The following SV2C variants were observed in gnomAD, a reference collection of about 807,000 sequenced individuals.
SV2C encodes solute carrier family 22 member B3.
SV2C carries 49 observed loss-of-function variants against 79.7 expected under a neutral mutation model. That is an observed-to-expected ratio of 0.61 (90% CI 0.49 to 0.78). The LOEUF is 0.78. Among genes scored for constraint, SV2C ranks in the 30% least tolerant of loss-of-function variants. The pLI, the probability that SV2C is intolerant of heterozygous loss-of-function variation, is 0.00. For synonymous variants in SV2C, 334 were observed against 333.2 expected, an observed-to-expected ratio of 1.00 and a Z score of -0.03; for missense variants, 833 against 912.9, an observed-to-expected ratio of 0.91 and a Z score of 1.13.
intron 4 of SV2C, among the ~76,000 whole-genome samples, chr5:76,236,239 T>C (rs986388243): frequency 1.3e-5 from 2 of 152,104 alleles, no homozygotes; most frequent in Admixed American, 6.5e-5. Flanking sequence ...ATAGTCAATA[T>C]TGAAAATCAA....
rs139376694 is a variant in SV2C at position 76,230,975 on chromosome 5, T to A, written c.913+21088T>A. ...ATGTTTATTTAATTCTAACATAACA[T>A]CCTGAGTTCCTGTGTAAGTAATTTG... is the stretch of plus-strand genomic sequence containing the variant. On this transcript the variant is annotated intron_variant, in intron 4 of 12. Coordinates refer to ENST00000502798, the MANE Select transcript of SV2C (RefSeq NM_014979.4). 2.6e-4 allele frequency among the ~76,000 whole-genome samples: 39 copies of A among 152,300 alleles called. No homozygotes were observed. The East Asian group carries it at 6.9e-3, about 27-fold the overall frequency.
chr5:76,341,316 T>C (rs903803504), intron 12 of SV2C, among the ~76,000 whole-genome samples: 2 of 152,124 alleles, frequency 1.3e-5, no homozygotes, highest in East Asian at 1.9e-4. Flanking sequence ...GGCAGGTGGA[T>C]TGCTTGAGCC....
At chr5:76,037,207 G>A in the SV2C span, among the ~76,000 whole-genome samples, 6 of 152,216 alleles carry the variant, frequency 3.9e-5, no homozygotes, top group East Asian at 1.9e-4. Flanking sequence ...CCCATAGCTC[G>A]GAGTAATTTG....
At chr5:75,946,288 A>G in the SV2C span, among the ~76,000 whole-genome samples, 1 of 152,124 alleles carries the variant, frequency 6.6e-6, no homozygotes, top group Non-Finnish European at 1.5e-5. Flanking sequence ...TTGCATATGA[A>G]TATCCAAATG....
At chr5:75,909,300 T>C in the SV2C span, among the ~76,000 whole-genome samples, 6 of 152,264 alleles carry the variant, frequency 3.9e-5, no homozygotes, top group Non-Finnish European at 8.8e-5. Context: ...TTGTTCTTAT[T>C]TGGAGACAGT....
At chr5:76,266,911 TA>T (rs1204361835) in intron 4 of SV2C, among the ~76,000 whole-genome samples, 2 of 152,216 alleles carry the variant, frequency 1.3e-5, no homozygotes, top group African/African-American at 4.8e-5. Context: ...GAATGAGGAT[TA>T]ACAGTCAGGT....
At chr5:75,930,407 C>G in the SV2C span, among the ~76,000 whole-genome samples, 4 of 152,282 alleles carry the variant, frequency 2.6e-5, no homozygotes, top group East Asian at 5.8e-4. Context: ...CAGTGGTGCT[C>G]TGGAAATTTA....
chr5:75,968,572 A>T, the SV2C span, among the ~76,000 whole-genome samples: 6 of 152,254 alleles, frequency 3.9e-5, no homozygotes, highest in Non-Finnish European at 8.8e-5. Context: ...AAGAAAGGGT[A>T]TCAGCAATGG....
intron 4 of SV2C, among the ~76,000 whole-genome samples, chr5:76,234,149 G>A (rs1337305845): frequency 6.6e-6 from 1 of 152,150 alleles, no homozygotes; most frequent in Admixed American, 6.5e-5. Context: ...ATGATATGGT[G>A]TGTTATTCAA....
chr5:76,098,887 C>A (rs1017582488), intron 1 of SV2C, among the ~76,000 whole-genome samples: 6 of 152,138 alleles, frequency 3.9e-5, no homozygotes, highest in Non-Finnish European at 8.8e-5. Context: ...ATCAGCAAAA[C>A]CTGCTGGCCC....
At chr5:75,968,112 C>T in the SV2C span, among the ~76,000 whole-genome samples, 2 of 152,192 alleles carry the variant, frequency 1.3e-5, no homozygotes, top group Non-Finnish European at 1.5e-5. Flanking sequence ...GCTGAGGGTC[C>T]TGACTGTTAG....
At chr5:76,120,301 C>CGCAT (rs1003683935) in intron 1 of SV2C, among the ~76,000 whole-genome samples, 2 of 148,824 alleles carry the variant, frequency 1.3e-5, no homozygotes, top group Non-Finnish European at 3.0e-5. Context: ...TTTTCAGCTA[C>CGCAT]GCATCAAAGA....
chr5:76,010,915 G>A, the SV2C span, among the ~76,000 whole-genome samples: 3 of 152,046 alleles, frequency 2.0e-5, no homozygotes, highest in African/African-American at 4.8e-5. Context: ...TTTTACTGGT[G>A]GGCTCATTGA....
At chr5:76,016,337 C>T in the SV2C span, among the ~76,000 whole-genome samples, 5 of 149,764 alleles carry the variant, frequency 3.3e-5, no homozygotes, top group South Asian at 2.1e-4. Flanking sequence ...GTGCCCACTG[C>T]GACATAACAA....
the SV2C span, among the ~76,000 whole-genome samples, chr5:75,992,047 G>A: frequency 1.5e-3 from 227 of 151,798 alleles, 4 homozygotes; most frequent in East Asian, 0.029. Flanking sequence ...TCCCTGGGCC[G>A]CCTCCATTCC....
In SV2C at chr5:76,301,528, G is replaced by A. The variant is rs1394756394; in HGVS notation, c.1983G>A (p.Leu661=). The A allele has an allele frequency of 3.7e-6, 6 of 1,613,414 alleles. No homozygotes were observed. In the African/African-American group the frequency reaches 8.0e-5, roughly 22 times the overall value. The change falls in exon 12 of 13, where the codon CTG becomes CTA. Residue 661 remains leucine, a synonymous_variant. Coordinates refer to ENST00000502798, the MANE Select transcript of SV2C (RefSeq NM_014979.4). The stretch of plus-strand genomic sequence containing the variant: ...CTCTTGACGTGGTCACTGTGGAACT[G>A]TACCCCACAGACCGGAGGTATGTTG... ...WNSLDVVTVE[L]YPTDRRATGF...
At chr5:76,077,488 G>A in the SV2C span, among the ~76,000 whole-genome samples, 1 of 152,202 alleles carries the variant, frequency 6.6e-6, no homozygotes, top group Non-Finnish European at 1.5e-5. Context: ...AAGAGGGCGA[G>A]TAGGAAGGTA....
chr5:75,938,196 A>G, the SV2C span, among the ~76,000 whole-genome samples: 1 of 152,200 alleles, frequency 6.6e-6, no homozygotes, highest in African/African-American at 2.4e-5. Context: ...ATACAGTGGT[A>G]ATTGAAATTT....
Position 76,319,573 on chromosome 5 carries a change from T to G in SV2C, c.2001-5791T>G, listed in dbSNP as rs369211358. Among the ~76,000 whole-genome samples, 50 of 152,332 alleles carry G rather than the reference T, an allele frequency of 3.3e-4. No homozygotes were observed. The South Asian group carries it at 7.3e-3, about 22-fold the overall frequency. On this transcript the variant is annotated intron_variant, in intron 12 of 12. Coordinates refer to ENST00000502798, the MANE Select transcript of SV2C (RefSeq NM_014979.4). ...GCTTTGCATCCACACCAGATTTTCA[T>G]CTAAAGAACTGCCTTTGCTTGGTAA...
Sources: gnomAD v4.1 joint callset for allele counts (sites outside exome capture counted in the v4.1 genomes callset) on GRCh38, gnomAD v4.1.1 for gene constraint, MANE v1.5 for transcripts, NCBI Gene and HGNC (gene_info 2026-07-23, HGNC 2026-07-21) for gene names.